Variants in RFWD3 observed in about 807,000 individuals in gnomAD.
The protein encoded by RFWD3 is E3 ubiquitin-protein ligase RFWD3.
In RFWD3, 65 loss-of-function variants were observed where a neutral mutation model predicts 87.7. That is an observed-to-expected ratio of 0.74 (90% CI 0.61 to 0.91). The LOEUF (loss-of-function observed/expected upper bound fraction) is 0.91, where lower values mean the gene tolerates loss of function less well. Ranked by LOEUF, RFWD3 falls within the 40% of genes least tolerant of loss-of-function variation. RFWD3 has a pLI of 0.00. For missense variants in RFWD3, 1,078 were observed against 938.5 expected, an observed-to-expected ratio of 1.15 and a Z score of -1.94; for synonymous variants, 433 against 352.8, an observed-to-expected ratio of 1.23 and a Z score of -2.55.
At position 74,661,085 on chromosome 16, in the gene RFWD3, T is replaced by C. The variant is rs977485902; in HGVS notation, c.365A>G (p.Asn122Ser). ...AAGTCTCTGCAGTCCGCTGATGAAG[T>C]TGGTCATTGAATGCAACGAAGATGC... Reference protein sequence around the residue: ...IPASSLHSMTNFISGLQRLHG... With the variant: ...IPASSLHSMTSFISGLQRLHG... The change falls in exon 2 of 13, where the codon AAC becomes AGC. Residue 122 changes from asparagine (N) to serine (S), a missense_variant. Coordinates refer to ENST00000361070, the MANE Select transcript of RFWD3 (RefSeq NM_018124.4). 1.9e-6 allele frequency: 3 copies of C among 1,614,210 alleles called. No individual in the cohort carries two copies. Among genetic ancestry groups the C allele is most frequent in the South Asian group, 1.1e-5 (1 of 91,080 alleles).
Position 74,632,566 on chromosome 16 carries a change from A to G in RFWD3, c.1534T>C (p.Leu512=). 1 of 1,614,114 alleles carries G rather than the reference A, an allele frequency of 6.2e-7. No homozygotes were observed. Among genetic ancestry groups the G allele is most frequent in the Non-Finnish European group, 8.5e-7 (1 of 1,179,980 alleles). ...TTGTCTAGGGAAGCAGAGAGTAGCA[A>G]GCCTCTGAGGTAACTGCTAAACGCC... ...GLAFSSYLRG[L]LLSASLDNTI... The change falls in exon 9 of 13, where the codon TTG becomes CTG. Residue 512 remains leucine (L), a synonymous_variant. Transcript: ENST00000361070.
intron 8 of RFWD3, among the ~76,000 whole-genome samples, chr16:74,633,217 T>C (rs1227699762): frequency 1.4e-5 from 2 of 143,136 alleles, no homozygotes; most frequent in East Asian, 4.1e-4. Context: ...GCGGAGGTTG[T>C]AGTGAGACAA....
intron 2 of RFWD3, among the ~76,000 whole-genome samples, chr16:74,658,965 C>T (rs532451218): frequency 6.6e-6 from 1 of 152,172 alleles, no homozygotes; most frequent in South Asian, 2.1e-4. Flanking sequence ...GATGGGGTTT[C>T]ACCATGTTGG....
chr16:74,625,386 T>C (rs1958900310), intron 12 of RFWD3, among the ~76,000 whole-genome samples: 2 of 151,060 alleles, frequency 1.3e-5, no homozygotes, highest in East Asian at 2.0e-4. Context: ...CCGGGTATGG[T>C]TGGTGTGCAC....
intron 11 of RFWD3, 28 bp from the exon 12 acceptor site, chr16:74,626,582 C>G (rs1250792462): frequency 6.3e-7 from 1 of 1,583,592 alleles, no homozygotes; most frequent in African/African-American, 1.3e-5. Flanking sequence ...CAGTGCTGCA[C>G]CATGGGGACG....
intron 1 of RFWD3, chr16:74,666,181 ATTAG>A (rs1027784822): frequency 8.0e-6 from 1 of 124,906 alleles, no homozygotes; most frequent in African/African-American, 3.2e-5. Context: ...AGATAGACAG[ATTAG>A]ATAGATAGAT....
At chr16:74,643,687 T>G (rs1959856933) in intron 6 of RFWD3, among the ~76,000 whole-genome samples, 1 of 140,804 alleles carries the variant, frequency 7.1e-6, no homozygotes, top group Non-Finnish European at 1.6e-5. Flanking sequence ...TTTTTTTTTT[T>G]TTTTTTGAGA....
chr16:74,633,279 G>GAAAAAAAAAAAAAAAA (rs59964330), intron 8 of RFWD3, among the ~76,000 whole-genome samples: 1 of 111,008 alleles, frequency 9.0e-6, no homozygotes, highest in Admixed American at 1.1e-4. Context: ...CTCCGTCTCA[G>GAAAAAAAAAAAAAAAA]AAAAAAAAAA....
chr16:74,652,277 G>GGGAGA (rs1447021546), intron 2 of RFWD3, among the ~76,000 whole-genome samples, 155 bp from the exon 3 acceptor site: 1 of 151,696 alleles, frequency 6.6e-6, no homozygotes, highest in Non-Finnish European at 1.5e-5. Flanking sequence ...AGATAAGGGG[G>GGGAGA]GGAGACTGGC....
Position 74,637,941 on chromosome 16 carries a change from T to G in RFWD3, c.1109A>C (p.Lys370Thr). The stretch of plus-strand genomic sequence containing the variant: ...CTGTGCTGATTCTAACTCGGCCTGT[T>G]TCCTTAGCATCTGTTCCTTCAGTAG... ...SSLLKEQMLR[K>T]QAELESAQCR... is the part of the protein sequence containing the mutation. The change falls in exon 7 of 13, where the codon AAA (lysine) becomes ACA (threonine). Residue 370 changes from lysine (K) to threonine (T), a missense_variant. Coordinates refer to ENST00000361070, the MANE Select transcript of RFWD3 (RefSeq NM_018124.4). The G allele has an allele frequency of 6.2e-7, 1 of 1,611,980 alleles. No homozygotes were observed. Among genetic ancestry groups the G allele is most frequent in the Non-Finnish European group, 8.5e-7 (1 of 1,179,632 alleles).
intron 3 of RFWD3, among the ~76,000 whole-genome samples, chr16:74,649,437 C>T (rs1960409890): frequency 1.3e-5 from 2 of 152,262 alleles, no homozygotes; most frequent in South Asian, 4.1e-4. Flanking sequence ...ATAGTTAAGC[C>T]ACAAGTACCC....
chr16:74,639,250 C>T (rs1258803097), intron 6 of RFWD3, among the ~76,000 whole-genome samples: 1 of 152,106 alleles, frequency 6.6e-6, no homozygotes, highest in East Asian at 1.9e-4. Context: ...GTTGCCCAGG[C>T]TGGTCTCAAA....
At chr16:74,624,217 G>A in intron 12 of RFWD3, 146 bp from the exon 13 acceptor site, 1 of 915,958 alleles carries the variant, frequency 1.1e-6, no homozygotes, top group Non-Finnish European at 1.6e-6. Context: ...TTGCAAGGTT[G>A]TTCAAAGTCA....
intron 1 of RFWD3, among the ~76,000 whole-genome samples, chr16:74,662,521 G>A (rs1468379414): frequency 1.3e-5 from 2 of 152,166 alleles, no homozygotes; most frequent in Non-Finnish European, 2.9e-5. Context: ...TGGGGTTGAG[G>A]AGACAAAGAG....
chr16:74,650,804 G>A (rs747307227), intron 3 of RFWD3, among the ~76,000 whole-genome samples: 1 of 151,930 alleles, frequency 6.6e-6, no homozygotes, highest in African/African-American at 2.4e-5. Flanking sequence ...TTGAGCCTGG[G>A]AGGTCAAGGC....
chr16:74,633,984 C>CA (rs879926796), intron 8 of RFWD3, among the ~76,000 whole-genome samples: 2,348 of 133,298 alleles, frequency 0.018, 43 homozygotes, highest in East Asian at 0.069. Context: ...GATCTTCTGT[C>CA]AAAAAAAAAA....
chr16:74,646,715 G>A (rs1567578964), intron 4 of RFWD3, among the ~76,000 whole-genome samples: 2 of 152,120 alleles, frequency 1.3e-5, no homozygotes, highest in South Asian at 4.1e-4. Flanking sequence ...GAACTCAGGA[G>A]GTGGAAAGAA....
At chr16:74,640,237 C>T (rs1959514987) in intron 6 of RFWD3, among the ~76,000 whole-genome samples, 1 of 151,784 alleles carries the variant, frequency 6.6e-6, no homozygotes, top group South Asian at 2.1e-4. Flanking sequence ...CCGCCTCCTC[C>T]CGAGTTCAAG....
At chr16:74,630,264 A>G (rs1959051989) in intron 10 of RFWD3, among the ~76,000 whole-genome samples, 1 of 152,098 alleles carries the variant, frequency 6.6e-6, no homozygotes, top group South Asian at 2.1e-4. Context: ...CATGGCTAAC[A>G]TTTTTTTGTA....
Sources: gnomAD v4.1 joint callset for allele counts (sites outside exome capture counted in the v4.1 genomes callset) on GRCh38, gnomAD v4.1.1 for gene constraint, MANE v1.5 for transcripts, NCBI Gene and HGNC (gene_info 2026-07-23, HGNC 2026-07-21) for gene names.